TACR1: variants seen among roughly 807,000 people sequenced by gnomAD.
TACR1 encodes the protein tachykinin receptor 1.
TACR1 carries 25 observed loss-of-function variants against 35.8 expected under a neutral mutation model. The observed-to-expected ratio is 0.70, with a 90% CI of 0.51 to 0.98. The LOEUF is 0.98. TACR1 is among the 50% of genes least tolerant of loss of function. TACR1 has a pLI of 0.00. For synonymous variants in TACR1, 195 were observed against 206.7 expected (o/e 0.94, Z 0.48); for missense variants, 478 against 522.9 (o/e 0.91, Z 0.84).
chr2:75,161,797 G>A (rs570086812), intron 1 of TACR1, among the ~76,000 whole-genome samples: 2 of 152,026 alleles, frequency 1.3e-5, no homozygotes, highest in East Asian at 3.9e-4. Flanking sequence ...AAACCATATG[G>A]ACTTCCTAAA....
rs992730240 is a variant in TACR1, at chr2:75,056,144, C to T, written c.585-2389G>A. ...AGTCTATTGGGACTCCATTGTTGTC[C>T]GTGATTTAATGACTTTATTCAAGTG... On this transcript the variant is annotated intron_variant, in intron 2 of 4. Coordinates refer to ENST00000305249, the MANE Select transcript of TACR1 (RefSeq NM_001058.4). Among the ~76,000 whole-genome samples the T allele has an allele frequency of 9.2e-5, 14 of 152,236 alleles. No individual in the cohort carries two copies. The East Asian group carries it at 1.7e-3, about 19-fold the overall frequency.
chr2:75,164,656 G>A (rs942248917), intron 1 of TACR1, among the ~76,000 whole-genome samples: 3 of 152,162 alleles, frequency 2.0e-5, no homozygotes, highest in African/African-American at 7.2e-5. Context: ...AACTATTCCT[G>A]TACAAAGAAA....
chr2:75,194,031 G>T (rs1675909561), intron 1 of TACR1, among the ~76,000 whole-genome samples: 1 of 152,152 alleles, frequency 6.6e-6, no homozygotes, highest in African/African-American at 2.4e-5. Context: ...ACAGTGTCTT[G>T]TGCTTGTGCT....
At chr2:75,141,059 T>TC (rs1292364096) in intron 1 of TACR1, among the ~76,000 whole-genome samples, 1 of 152,176 alleles carries the variant, frequency 6.6e-6, no homozygotes, top group Non-Finnish European at 1.5e-5. Flanking sequence ...GGTGAGTCTC[T>TC]TAAGAACTGG....
intron 2 of TACR1, among the ~76,000 whole-genome samples, chr2:75,101,157 G>A (rs1473178967): frequency 1.3e-5 from 2 of 151,900 alleles, no homozygotes; most frequent in African/African-American, 4.8e-5. Context: ...AAAACAAGGT[G>A]AAAATAAAGA....
intron 2 of TACR1, chr2:75,091,011 C>G (rs550988018): frequency 6.6e-6 from 1 of 151,952 alleles, no homozygotes; most frequent in Non-Finnish European, 1.5e-5. Flanking sequence ...GAAAAGGCAG[C>G]CACTCTCTGT....
chr2:75,171,346 T>G (rs888086350), intron 1 of TACR1, among the ~76,000 whole-genome samples: 4 of 152,214 alleles, frequency 2.6e-5, no homozygotes, highest in Non-Finnish European at 5.9e-5. Context: ...AACCTCTGCC[T>G]AGATTTCAGA....
intron 4 of TACR1, 133 bp from the exon 5 acceptor site, chr2:75,049,856 A>C: frequency 8.9e-7 from 1 of 1,122,354 alleles, no homozygotes; most frequent in East Asian, 2.6e-5. Flanking sequence ...ATTCAATGAC[A>C]GCTGGAGATG....
At chr2:75,066,910 C>T (rs1672774824) in intron 2 of TACR1, among the ~76,000 whole-genome samples, 1 of 152,172 alleles carries the variant, frequency 6.6e-6, no homozygotes, top group African/African-American at 2.4e-5. Flanking sequence ...GATTTTTCTA[C>T]CTCCCCAAGG....
At chr2:75,198,423 TA>T (rs1198945330) in intron 1 of TACR1, 122 bp downstream of exon 1, 16 of 1,164,290 alleles carry the variant, frequency 1.4e-5, no homozygotes, top group Admixed American at 7.3e-5. Context: ...AGTTGATCAG[TA>T]AAAAAACCCT....
intron 2 of TACR1, among the ~76,000 whole-genome samples, chr2:75,100,383 C>T (rs1673514593): frequency 6.6e-6 from 1 of 152,234 alleles, no homozygotes; most frequent in African/African-American, 2.4e-5. Flanking sequence ...TATAACCTCT[C>T]TTTCAAATCT....
At chr2:75,130,043 T>G (rs915487910) in intron 1 of TACR1, among the ~76,000 whole-genome samples, 11 of 152,214 alleles carry the variant, frequency 7.2e-5, no homozygotes, top group African/African-American at 2.7e-4. Flanking sequence ...AAGAATTAAA[T>G]CCCGTCTTTA....
chr2:75,183,535 G>C (rs1203440529), intron 1 of TACR1, among the ~76,000 whole-genome samples: 3 of 152,116 alleles, frequency 2.0e-5, no homozygotes, highest in Non-Finnish European at 2.9e-5. Context: ...CCTGGGTTTT[G>C]TCAACATCTG....
intron 2 of TACR1, among the ~76,000 whole-genome samples, chr2:75,072,292 A>G (rs1232451264): frequency 6.6e-6 from 1 of 152,222 alleles, no homozygotes; most frequent in East Asian, 1.9e-4. Flanking sequence ...GGGATTAGCG[A>G]TCTGAGACCA....
intron 1 of TACR1, among the ~76,000 whole-genome samples, chr2:75,179,315 A>G (rs1444215725): frequency 6.6e-6 from 1 of 151,984 alleles, no homozygotes; most frequent in African/African-American, 2.4e-5. Flanking sequence ...CCTTCTCACC[A>G]TGTCTACCAC....
intron 2 of TACR1, among the ~76,000 whole-genome samples, chr2:75,106,423 T>C (rs1471443046): frequency 6.6e-6 from 1 of 151,978 alleles, no homozygotes; most frequent in Non-Finnish European, 1.5e-5. Flanking sequence ...ATGAAAAAGG[T>C]AAATAATGTC....
intron 1 of TACR1, among the ~76,000 whole-genome samples, chr2:75,157,991 G>A (rs769023619): frequency 3.9e-5 from 6 of 152,164 alleles, no homozygotes; most frequent in Admixed American, 6.5e-5. Context: ...CATGAGTTTG[G>A]GAAATTCTCA....
chr2:75,157,973 T>A (rs1489962348), intron 1 of TACR1, among the ~76,000 whole-genome samples: 1 of 152,244 alleles, frequency 6.6e-6, no homozygotes, highest in Non-Finnish European at 1.5e-5. Context: ...GAAACTTGCA[T>A]ATGCACACAT....
intron 1 of TACR1, among the ~76,000 whole-genome samples, chr2:75,174,876 G>C (rs1301680562): frequency 2.0e-5 from 3 of 152,188 alleles, no homozygotes; most frequent in Non-Finnish European, 4.4e-5. Flanking sequence ...ACCAAAGAGA[G>C]ATTCTGTTCT....
Sources: allele counts gnomAD v4.1 joint callset (sites outside exome capture counted in the v4.1 genomes callset), GRCh38; gene constraint gnomAD v4.1.1; transcripts MANE v1.5; gene names NCBI Gene and HGNC (gene_info 2026-07-23, HGNC 2026-07-21).